ANXA13: variants seen among roughly 807,000 people sequenced by gnomAD.
The protein encoded by ANXA13 is annexin XIII.
A neutral mutation model predicts 46.6 loss-of-function variants in ANXA13; 36 were observed. The observed-to-expected ratio is 0.77, with a 90% CI of 0.59 to 1.02. The LOEUF (loss-of-function observed/expected upper bound fraction) is 1.02, where lower values mean the gene tolerates loss of function less well. Among genes scored for constraint, ANXA13 ranks in the 50% least tolerant of loss-of-function variants. The probability of loss-of-function intolerance (pLI) is 0.00; values close to 1 mark genes in which losing one functional copy is unlikely to be tolerated. For missense variants in ANXA13, 417 were observed against 396.5 expected, an observed-to-expected ratio of 1.05 and a Z score of -0.44; for synonymous variants, 163 against 152.9, an observed-to-expected ratio of 1.07 and a Z score of -0.49.
At chr8:123,717,105 C>T (rs1292188122) in intron 1 of ANXA13, among the ~76,000 whole-genome samples, 4 of 152,242 alleles carry the variant, frequency 2.6e-5, no homozygotes, top group South Asian at 2.1e-4. Flanking sequence ...AGATATTAAA[C>T]GTCAATAATA....
At chr8:123,692,342 T>C (rs1180552370) in intron 8 of ANXA13, among the ~76,000 whole-genome samples, 3 of 152,152 alleles carry the variant, frequency 2.0e-5, no homozygotes, top group Non-Finnish European at 4.4e-5. Flanking sequence ...ACCCTGTTGT[T>C]GTGAAACTGA....
At chr8:123,722,521 A>G (rs893639246) in intron 1 of ANXA13, among the ~76,000 whole-genome samples, 8 of 152,212 alleles carry the variant, frequency 5.3e-5, no homozygotes, top group African/African-American at 1.7e-4. Flanking sequence ...AATATTCTCG[A>G]TGATGAGAAA....
intron 7 of ANXA13, 73 bp downstream of exon 7, chr8:123,693,638 A>C (rs1813280799): frequency 7.5e-7 from 1 of 1,334,548 alleles, no homozygotes; most frequent in Non-Finnish European, 1.1e-6. Context: ...TGCATGAAAT[A>C]AACATTTGTT....
chr8:123,737,094 C>T (rs1174724805), intron 1 of ANXA13, among the ~76,000 whole-genome samples: 1 of 151,706 alleles, frequency 6.6e-6, no homozygotes, highest in Non-Finnish European at 1.5e-5. Context: ...CTCCTGACCT[C>T]AAGTAATCCG....
At chr8:123,715,033 C>T (rs555189110) in intron 1 of ANXA13, among the ~76,000 whole-genome samples, 7 of 152,294 alleles carry the variant, frequency 4.6e-5, no homozygotes, top group African/African-American at 9.6e-5. Context: ...ACAGAGGGGT[C>T]GGATGACTCT....
In ANXA13 at chr8:123,709,920, G is replaced by A. The variant is rs532068127; in HGVS notation, c.91+2758C>T. 3.9e-5 allele frequency among the ~76,000 whole-genome samples: 6 copies of A among 152,134 alleles called. No homozygotes were observed. In the East Asian group the frequency reaches 1.2e-3, roughly 29 times the overall value. On this transcript the variant is annotated intron_variant, in intron 2 of 10. Transcript: ENST00000419625. ...ACTACGGGTGTGCACCACCACACCC[G>A]GCCAATTTTTATATTTTTAGTAGAG...
At chr8:123,691,811 G>A (rs573139540) in intron 8 of ANXA13, among the ~76,000 whole-genome samples, 1 of 152,324 alleles carries the variant, frequency 6.6e-6, no homozygotes, top group East Asian at 1.9e-4. Context: ...CTCAAGTGAT[G>A]CTGATGGTGC....
At chr8:123,697,317 G>C (rs1813358579) in intron 4 of ANXA13, among the ~76,000 whole-genome samples, 1 of 152,216 alleles carries the variant, frequency 6.6e-6, no homozygotes, top group Admixed American at 6.5e-5. Flanking sequence ...AAGGGTGGAT[G>C]CTGAGTGGGG....
At chr8:123,716,977 T>C (rs1252863945) in intron 1 of ANXA13, among the ~76,000 whole-genome samples, 1 of 152,200 alleles carries the variant, frequency 6.6e-6, no homozygotes, top group Non-Finnish European at 1.5e-5. Flanking sequence ...ATTCCATTTG[T>C]TTTCAACTAG....
intron 2 of ANXA13, among the ~76,000 whole-genome samples, chr8:123,710,237 G>A (rs1233722342): frequency 6.6e-6 from 1 of 152,088 alleles, no homozygotes; most frequent in Non-Finnish European, 1.5e-5. Flanking sequence ...ACTTGTTTTT[G>A]TAAAACATTA....
chr8:123,718,659 G>A (rs1401028677), intron 1 of ANXA13, among the ~76,000 whole-genome samples: 1 of 152,158 alleles, frequency 6.6e-6, no homozygotes, highest in Non-Finnish European at 1.5e-5. Flanking sequence ...CTTCTAGTAG[G>A]TCTACATGTC....
intron 1 of ANXA13, among the ~76,000 whole-genome samples, 162 bp downstream of exon 1, chr8:123,737,158 G>A (rs974627408): frequency 2.6e-5 from 4 of 151,926 alleles, no homozygotes; most frequent in Non-Finnish European, 4.4e-5. Flanking sequence ...ACCGCACCCG[G>A]CCTCAATGCA....
intron 2 of ANXA13, among the ~76,000 whole-genome samples, chr8:123,710,153 A>G (rs1813628286): frequency 6.6e-6 from 1 of 152,214 alleles, no homozygotes; most frequent in Non-Finnish European, 1.5e-5. Context: ...ATTTGTGGCC[A>G]TATTTATTCT....
At position 123,680,887 on chromosome 8, in the gene ANXA13, G is replaced by C. The variant is rs1813021953; in HGVS notation, c.*353C>G. ...TAAATTGTTTAATTTTGTCTTTCCT[G>C]TACCTTACTTGTGTGATGCATATCC... On this transcript the variant is annotated 3_prime_UTR_variant, in exon 11 of 11. Transcript: ENST00000419625. 1 of 185,080 alleles carries C rather than the reference G, an allele frequency of 5.4e-6. No individual in the cohort carries two copies. Among genetic ancestry groups the C allele is most frequent in the South Asian group, 1.7e-4 (1 of 5,790 alleles). 11.5% of individuals were successfully genotyped at this position (185,080 alleles called of 1,614,324 possible). A position where few individuals can be genotyped will look rare whatever the true frequency, so the allele number is the denominator to read the frequency against.
intron 1 of ANXA13, among the ~76,000 whole-genome samples, chr8:123,721,994 T>C (rs532673504): frequency 6.6e-6 from 1 of 152,290 alleles, no homozygotes; most frequent in Non-Finnish European, 1.5e-5. Context: ...ATAATAGTTA[T>C]TATTTTTAAT....
chr8:123,730,515 G>A (rs1814096361), intron 1 of ANXA13, among the ~76,000 whole-genome samples: 1 of 152,106 alleles, frequency 6.6e-6, no homozygotes, highest in African/African-American at 2.4e-5. Flanking sequence ...AGTGTCGTAG[G>A]TTGAACAGTA....
At chr8:123,700,492 C>T (rs1563610089) in intron 3 of ANXA13, among the ~76,000 whole-genome samples, 1 of 152,164 alleles carries the variant, frequency 6.6e-6, no homozygotes, top group Non-Finnish European at 1.5e-5. Context: ...TGTTGGGATT[C>T]TAGATTATCT....
intron 1 of ANXA13, among the ~76,000 whole-genome samples, chr8:123,736,184 A>G (rs1338764634): frequency 2.0e-5 from 3 of 152,262 alleles, no homozygotes; most frequent in Non-Finnish European, 4.4e-5. Flanking sequence ...GTGCAGCTTG[A>G]ATATATAGCG....
rs780092024 is a variant in ANXA13, at chr8:123,681,309, A to G, written c.882T>C (p.Ser294=). Residue 294 remains serine (S), a synonymous_variant, in exon 11 of 11, where the codon TCT becomes TCC. Coordinates refer to ENST00000419625, the MANE Select transcript of ANXA13 (RefSeq NM_004306.4). ...TATCTGAGCGAACCATGTCAGAGAG[A>G]GACTTCTGATACTTCTCTTGGAACT... ...KAKFQEKYQK[S]LSDMVRSDTS... is the part of the protein sequence containing the mutation. The G allele has an allele frequency of 6.2e-7, 1 of 1,614,110 alleles. No individual in the cohort carries two copies. Among genetic ancestry groups the G allele is most frequent in the Non-Finnish European group, 8.5e-7 (1 of 1,179,972 alleles).
Sources: gnomAD v4.1 joint callset for allele counts (sites outside exome capture counted in the v4.1 genomes callset) on GRCh38, gnomAD v4.1.1 for gene constraint, MANE v1.5 for transcripts, NCBI Gene and HGNC (gene_info 2026-07-23, HGNC 2026-07-21) for gene names.